CACNA1B: variants seen among roughly 807,000 people sequenced by gnomAD.
CACNA1B encodes voltage-dependent N-type calcium channel subunit alpha-1B.
In CACNA1B, 70 loss-of-function variants were observed where a neutral mutation model predicts 247.2. That is an observed-to-expected ratio of 0.28 (90% CI 0.23 to 0.35). The LOEUF is 0.35. Ranked by LOEUF, CACNA1B falls within the 10% of genes least tolerant of loss-of-function variation. CACNA1B has a pLI of 1.00. For synonymous variants in CACNA1B, 1,231 were observed against 1,294.4 expected, an observed-to-expected ratio of 0.95 and a Z score of 1.05; for missense variants, 2,367 against 3,197.4, an observed-to-expected ratio of 0.74 and a Z score of 6.26.
Position 138,105,693 on chromosome 9 carries a change from C to A in CACNA1B, c.5320-6C>A. 6.5e-7 allele frequency: 1 copy of A among 1,526,724 alleles called. No individual in the cohort carries two copies. Among genetic ancestry groups the A allele is most frequent in the Admixed American group, 1.9e-5 (1 of 51,594 alleles). The allele number at this position is 1,526,724 out of a possible 1,614,324, so 94.6% of individuals were successfully genotyped here. A position where few individuals can be genotyped will look rare whatever the true frequency, so the allele number is the denominator to read the frequency against. On this transcript the variant is annotated splice_region_variant and splice_polypyrimidine_tract_variant and intron_variant, in intron 38 of 46. Coordinates refer to ENST00000371372, the MANE Select transcript of CACNA1B (RefSeq NM_000718.4). ...CCTGGCCCTGACCGGCCCTGCTTGT[C>A]CCTAGCGCCTGGTTCGCATGAACAT... is the stretch of plus-strand genomic sequence containing the variant.
chr9:138,058,840 C>T lies in CACNA1B; in HGVS notation c.4473+107C>T. On this transcript the variant is annotated intron_variant, in intron 29 of 46. Coordinates refer to ENST00000371372, the MANE Select transcript of CACNA1B (RefSeq NM_000718.4). The surrounding 1 kb of genome is among the most constrained non-coding windows in gnomAD (Gnocchi z 4.7). ...TTCTTCCTCCCTGCATGAGCCAAAG[C>T]AGTAGTGGCCTTGCATCCTGGCCAG... 1 of 1,026,404 alleles carries T rather than the reference C, an allele frequency of 9.7e-7. No homozygotes were observed. Among genetic ancestry groups the T allele is most frequent in the Admixed American group, 2.3e-5 (1 of 43,272 alleles). 63.6% of individuals were successfully genotyped at this position (1,026,404 alleles called of 1,614,324 possible).
chr9:138,112,608 A>G lies in CACNA1B; in HGVS notation c.5536+103A>G, dbSNP rs1218252415. 1.3e-5 allele frequency: 10 copies of G among 764,592 alleles called. No homozygotes were observed. The East Asian group carries it at 2.4e-4, about 18-fold the overall frequency. 47.4% of individuals were successfully genotyped at this position (764,592 alleles called of 1,614,324 possible). On this transcript the variant is annotated intron_variant, in intron 40 of 46. Coordinates refer to ENST00000371372, the MANE Select transcript of CACNA1B (RefSeq NM_000718.4). ...GAGGGTGAGGGATGAAGGGCAGGCC[A>G]CCTTGGAGAGGTGGGCTCACCTCCT...
rs79634697 is a variant in CACNA1B, at chr9:138,112,434, G to A, written c.5465G>A (p.Arg1822Lys). The A allele has an allele frequency of 5.6e-6, 9 of 1,613,658 alleles. No homozygotes were observed. The highest frequency in any genetic ancestry group is 3.3e-5 in the Admixed American group (2 of 60,006). The change falls in exon 40 of 47, where the codon AGG (arginine) becomes AAG (lysine). Residue 1822 changes from arginine (R) to lysine (K), a missense_variant. By Grantham distance (26) the Arg-to-Lys change is conservative. Coordinates refer to ENST00000371372, the MANE Select transcript of CACNA1B (RefSeq NM_000718.4). ...TKQHQCDAEL[R>K]KEISVVWANL... ...CAGCATCAGTGTGACGCGGAGTTGA[G>A]GAAGGAGATTTCCGTTGTGTGGGCC...
At chr9:137,878,765 AGTCG>A (rs1178948602) in intron 1 of CACNA1B, among the ~76,000 whole-genome samples, 1 of 151,706 alleles carries the variant, frequency 6.6e-6, no homozygotes, top group Non-Finnish European at 1.5e-5. Flanking sequence ...GGGGCCCTGG[AGTCG>A]GGCGGAGCCG....
In CACNA1B at chr9:137,939,521, C is replaced by T. The variant is rs192519632; in HGVS notation, c.967-12753C>T. On this transcript the variant is annotated intron_variant, in intron 6 of 46. Coordinates refer to ENST00000371372, the MANE Select transcript of CACNA1B (RefSeq NM_000718.4). Reference sequence around the variant, plus strand: ...ATTTAAAAATTCTTCAAACTGAGGCCGGATGTGGTGGCTCACACCTGTAAT... The same window carrying T: ...ATTTAAAAATTCTTCAAACTGAGGCTGGATGTGGTGGCTCACACCTGTAAT... Among the ~76,000 whole-genome samples the T allele has an allele frequency of 2.2e-3, 328 of 152,016 alleles. 1 individual carries two copies. Among genetic ancestry groups the T allele is most frequent in the African/African-American group, 7.6e-3 (317 of 41,454 alleles).
chr9:138,020,248 G>A lies in CACNA1B; in HGVS notation c.2268-2763G>A, dbSNP rs1285111514. ...CTTGAGGCCACTTCCAAGTCCTGTA[G>A]TTCCCCACAGCACCCAGCTGAGCAT... On this transcript the variant is annotated intron_variant, in intron 18 of 46. Coordinates refer to ENST00000371372, the MANE Select transcript of CACNA1B (RefSeq NM_000718.4). The surrounding 1 kb of genome is among the most constrained non-coding windows in gnomAD (Gnocchi z 4.1). Among the ~76,000 whole-genome samples the A allele has an allele frequency of 6.6e-6, 1 of 152,176 alleles. No individual in the cohort carries two copies. Among genetic ancestry groups the A allele is most frequent in the Non-Finnish European group, 1.5e-5 (1 of 68,036 alleles).
At position 138,058,372 on chromosome 9, in the gene CACNA1B, G is replaced by A; in HGVS notation, c.4308+122G>A. 8 of 997,088 alleles carry A rather than the reference G, an allele frequency of 8.0e-6. No homozygotes were observed. The highest frequency in any genetic ancestry group is 1.1e-5 in the Non-Finnish European group (7 of 646,422). The allele number at this position is 997,088 out of a possible 1,614,324, so 61.8% of individuals were successfully genotyped here. Reference sequence around the variant, plus strand: ...TGGCTGCCACCGTCTGCCAACACAGGGGCAGGTCCTCCTTTCTCCTGCAGA... The same window carrying A: ...TGGCTGCCACCGTCTGCCAACACAGAGGCAGGTCCTCCTTTCTCCTGCAGA... On this transcript the variant is annotated intron_variant, in intron 28 of 46. Transcript: ENST00000371372. This position sits in a 1 kb window ranked among gnomAD's most constrained non-coding sequence, Gnocchi z 4.7.
chr9:137,894,713 T>A (rs1957154026), intron 3 of CACNA1B, among the ~76,000 whole-genome samples: 2 of 152,130 alleles, frequency 1.3e-5, no homozygotes, highest in South Asian at 4.1e-4. Context: ...TGGCCCTACA[T>A]ATCCTTTTAG....
chr9:137,999,379 C>T (rs1958537988), intron 15 of CACNA1B, among the ~76,000 whole-genome samples: 1 of 151,934 alleles, frequency 6.6e-6, no homozygotes, highest in Non-Finnish European at 1.5e-5. Context: ...AAGAGGAAAT[C>T]AGAAATCACG....
Position 137,914,880 on chromosome 9 carries a change from A to G in CACNA1B, c.775+74A>G. ...TCATCCAGGAGATGGGCACTGTTCT[A>G]GGTGCTAGAGGGGCCTTCTTGGTGC... On this transcript the variant is annotated intron_variant, in intron 5 of 46. Transcript: ENST00000371372. The surrounding 1 kb of genome is among the most constrained non-coding windows in gnomAD (Gnocchi z 4.3). 1 of 1,510,046 alleles carries G rather than the reference A, an allele frequency of 6.6e-7. No individual in the cohort carries two copies. The highest frequency in any genetic ancestry group is 2.1e-5 in the Admixed American group (1 of 47,870). 93.5% of individuals were successfully genotyped at this position (1,510,046 alleles called of 1,614,324 possible).
intron 10 of CACNA1B, among the ~76,000 whole-genome samples, chr9:137,964,242 G>T (rs1440273348): frequency 6.6e-6 from 1 of 152,174 alleles, no homozygotes; most frequent in African/African-American, 2.4e-5. Flanking sequence ...GGCCAGTCTT[G>T]CTAGGTTGAG....
In CACNA1B at chr9:138,122,138, CT is replaced by C. The variant is rs1962125282; in HGVS notation, c.*140del. The C allele has an allele frequency of 1.4e-6, 1 of 689,786 alleles. No homozygotes were observed. Among genetic ancestry groups the C allele is most frequent in the Admixed American group, 2.9e-5 (1 of 34,474 alleles). The allele number at this position is 689,786 out of a possible 1,614,324, so 42.7% of individuals were successfully genotyped here. Reference sequence around the variant, plus strand: ...AGGCTCCTGTGGCCCCTCCCTCCCCCTCCTCCCCTCTTTTACTCTAGACGAC... The same window carrying C: ...AGGCTCCTGTGGCCCCTCCCTCCCCCCCTCCCCTCTTTTACTCTAGACGAC... On this transcript the variant is annotated 3_prime_UTR_variant, in exon 47 of 47. Coordinates refer to ENST00000371372, the MANE Select transcript of CACNA1B (RefSeq NM_000718.4).
chr9:137,963,563 A>AT (rs1032741566), intron 10 of CACNA1B, among the ~76,000 whole-genome samples: 1 of 151,938 alleles, frequency 6.6e-6, no homozygotes, highest in African/African-American at 2.4e-5. Context: ...CACCTGGCTA[A>AT]TTTTTTTGTA....
At chr9:137,948,593 C>T (rs1389424283) in intron 6 of CACNA1B, among the ~76,000 whole-genome samples, 1 of 149,942 alleles carries the variant, frequency 6.7e-6, no homozygotes, top group East Asian at 1.9e-4. Flanking sequence ...TTCATTTTGG[C>T]AAGGTTAAGG....
Position 137,936,104 on chromosome 9 carries a change from G to A in CACNA1B, c.967-16170G>A, listed in dbSNP as rs184420103. On this transcript the variant is annotated intron_variant, in intron 6 of 46. Transcript: ENST00000371372. ...GATCTCCTGACCTTGTGATCCGCCC[G>A]CCTCGGCCTCCCAAAGTGCTGGGAT... 5.8e-3 allele frequency among the ~76,000 whole-genome samples: 879 copies of A among 152,254 alleles called. 6 individuals carry two copies. Among genetic ancestry groups the A allele is most frequent in the Admixed American group, 0.012 (184 of 15,302 alleles).
intron 20 of CACNA1B, among the ~76,000 whole-genome samples, chr9:138,027,124 T>C (rs1958931016): frequency 6.6e-6 from 1 of 152,256 alleles, no homozygotes; most frequent in Non-Finnish European, 1.5e-5. Context: ...GTTTGTTTTC[T>C]AGTTGTTGAG....
rs551952037 is a variant in CACNA1B at position 138,072,984 on chromosome 9, G to T, written c.4675-504G>T. Among the ~76,000 whole-genome samples, 6 of 152,356 alleles carry T rather than the reference G, an allele frequency of 3.9e-5. No individual in the cohort carries two copies. The East Asian group carries it at 1.2e-3, about 29-fold the overall frequency. On this transcript the variant is annotated intron_variant, in intron 32 of 46. Transcript: ENST00000371372. This position sits in a 1 kb window ranked among gnomAD's most constrained non-coding sequence, Gnocchi z 4.5. ...GCCCCTCTGCCAGGTCCCAGCGAGGGTCCCAGGCAAGCGAGGGCTTTGCTG... is the reference window on the plus strand; with the variant it reads ...GCCCCTCTGCCAGGTCCCAGCGAGGTTCCCAGGCAAGCGAGGGCTTTGCTG...
chr9:138,085,973 AGAGT>A (rs1405249408), intron 36 of CACNA1B, among the ~76,000 whole-genome samples: 1 of 151,272 alleles, frequency 6.6e-6, no homozygotes, highest in Non-Finnish European at 1.5e-5. Context: ...ACTCGCTGGT[AGAGT>A]GAGTTTCACA....
At chr9:137,930,575 T>C (rs903701456) in intron 6 of CACNA1B, among the ~76,000 whole-genome samples, 3 of 152,250 alleles carry the variant, frequency 2.0e-5, no homozygotes, top group Non-Finnish European at 2.9e-5. Context: ...TGCTGTTGTG[T>C]GCTGCATGTA....
Sources: allele counts gnomAD v4.1 joint callset (sites outside exome capture counted in the v4.1 genomes callset), GRCh38; gene constraint gnomAD v4.1.1; non-coding constraint Gnocchi (gnomAD v3.1); transcripts MANE v1.5; gene names NCBI Gene and HGNC (gene_info 2026-07-23, HGNC 2026-07-21).